The following ATP2C2 variants were observed in gnomAD, a reference collection of about 807,000 sequenced individuals.
The protein encoded by ATP2C2 is ATPase secretory pathway Ca2+ transporting 2, also known as calcium-transporting ATPase type 2C member 2.
In ATP2C2, 171 loss-of-function variants were observed where a neutral mutation model predicts 110.8. That is an observed-to-expected ratio of 1.54 (90% CI 1.36 to 1.75). The LOEUF is 1.75. Ranked by LOEUF, ATP2C2 falls within the 40% of genes most tolerant of loss-of-function variation. The pLI is 0.00. For synonymous variants in ATP2C2, 804 were observed against 508.4 expected, an observed-to-expected ratio of 1.58 and a Z score of -7.82; for missense variants, 1,963 against 1,235.0, an observed-to-expected ratio of 1.59 and a Z score of -8.84.
chr16:84,433,220 C>G (rs1206523426), intron 11 of ATP2C2, among the ~76,000 whole-genome samples: 1 of 151,792 alleles, frequency 6.6e-6, no homozygotes, highest in Non-Finnish European at 1.5e-5. Flanking sequence ...TGTACAAAAA[C>G]AAATGTTTTG....
chr16:84,419,164 C>T (rs1345260064), intron 7 of ATP2C2, among the ~76,000 whole-genome samples: 1 of 138,078 alleles, frequency 7.2e-6, no homozygotes, highest in Non-Finnish European at 1.5e-5. Flanking sequence ...GCCGAGATTG[C>T]ACCACTGCAC....
chr16:84,390,982 T>G (rs1193656497), intron 1 of ATP2C2, among the ~76,000 whole-genome samples: 2 of 151,332 alleles, frequency 1.3e-5, no homozygotes, highest in Non-Finnish European at 2.9e-5. Context: ...GGCGTGGTGG[T>G]GGGCACCTGT....
chr16:84,410,860 A>T, intron 6 of ATP2C2, 95 bp downstream of exon 6: 1 of 1,269,936 alleles, frequency 7.9e-7, no homozygotes, highest in Non-Finnish European at 1.1e-6. Context: ...TATCCTTGGT[A>T]GTGTCGGACA....
intron 11 of ATP2C2, among the ~76,000 whole-genome samples, chr16:84,434,928 C>T (rs1908606134): frequency 6.6e-6 from 1 of 152,192 alleles, no homozygotes. Context: ...CCGTCGTAAC[C>T]CTCCACAAAT....
rs571655333 is a variant in ATP2C2 at position 84,432,430 on chromosome 16, C to T, written c.986+6629C>T. Among the ~76,000 whole-genome samples the T allele has an allele frequency of 1.3e-4, 20 of 152,096 alleles. No individual in the cohort carries two copies. In the South Asian group the frequency reaches 1.9e-3, roughly 14 times the overall value. On this transcript the variant is annotated intron_variant, in intron 11 of 26. Transcript: ENST00000262429. ...AGGCATTTGGCCTAATGCTCTCCCCCGAACCCCCCGACAGGCCTGGGTGTG... is the reference window on the plus strand; with the variant it reads ...AGGCATTTGGCCTAATGCTCTCCCCTGAACCCCCCGACAGGCCTGGGTGTG...
In ATP2C2 at chr16:84,454,863, G is replaced by T. The variant is rs1044700565; in HGVS notation, c.2026G>T (p.Val676Leu). The change falls in exon 21 of 27, where the codon GTG (valine) becomes TTG (leucine). Residue 676 changes from valine to leucine, a missense_variant. Transcript: ENST00000262429. ...GATCGTGGCCATGACTGGGGATGGG[G>T]TGAACGACGCAGTGGCCCTGAAGTC... ...GAIVAMTGDG[V>L]NDAVALKSAD... The T allele has an allele frequency of 6.2e-7, 1 of 1,613,656 alleles. No individual in the cohort carries two copies. The highest frequency in any genetic ancestry group is 8.5e-7 in the Non-Finnish European group (1 of 1,179,750).
chr16:84,417,076 T>C (rs1172077026), intron 7 of ATP2C2, among the ~76,000 whole-genome samples: 1 of 152,222 alleles, frequency 6.6e-6, no homozygotes, highest in African/African-American at 2.4e-5. Flanking sequence ...GGGACCATCA[T>C]TCAAAGCCTT....
rs370503280 is a variant in ATP2C2 at position 84,463,497 on chromosome 16, A to G, written c.2723-117A>G. On this transcript the variant is annotated intron_variant, in intron 26 of 26. Coordinates refer to ENST00000262429, the MANE Select transcript of ATP2C2 (RefSeq NM_014861.4). Reference sequence around the variant, plus strand: ...ATCTCCCTGCCTTCAGGGGAATGAAAAGGGCTGGTCCTCCGCACCTCTCAC... The same window carrying G: ...ATCTCCCTGCCTTCAGGGGAATGAAGAGGGCTGGTCCTCCGCACCTCTCAC... The G allele has an allele frequency of 1.7e-4, 143 of 835,798 alleles. 1 individual carries two copies. The South Asian group carries it at 2.2e-3, about 13-fold the overall frequency. 51.8% of individuals were successfully genotyped at this position (835,798 alleles called of 1,614,324 possible).
intron 18 of ATP2C2, among the ~76,000 whole-genome samples, chr16:84,452,874 G>T (rs1910422680): frequency 6.6e-6 from 1 of 152,162 alleles, no homozygotes; most frequent in Non-Finnish European, 1.5e-5. Flanking sequence ...TCAGAGCCGT[G>T]TCAGGTTCCA....
intron 3 of ATP2C2, among the ~76,000 whole-genome samples, chr16:84,408,168 G>C (rs1905944346): frequency 6.6e-6 from 1 of 152,222 alleles, no homozygotes; most frequent in Non-Finnish European, 1.5e-5. Context: ...AGGCAGGGCT[G>C]AGGCCGGTGT....
intron 1 of ATP2C2, among the ~76,000 whole-genome samples, chr16:84,398,235 C>G (rs1211041987): frequency 1.3e-5 from 2 of 152,138 alleles, no homozygotes; most frequent in African/African-American, 4.8e-5. Context: ...AACCTCGTCT[C>G]TACTAAAAAT....
At chr16:84,390,449 G>A (rs578068906) in intron 1 of ATP2C2, among the ~76,000 whole-genome samples, 121 of 152,308 alleles carry the variant, frequency 7.9e-4, no homozygotes, top group African/African-American at 2.8e-3. Context: ...CTTCTAGGCC[G>A]TTTCCTTGGG....
At chr16:84,401,870 G>A (rs1905345472) in intron 2 of ATP2C2, among the ~76,000 whole-genome samples, 1 of 152,118 alleles carries the variant, frequency 6.6e-6, no homozygotes, top group Admixed American at 6.6e-5. Context: ...TGTTAAGAAT[G>A]TCATTGTTAT....
At chr16:84,407,719 A>G (rs7196238) in intron 3 of ATP2C2, among the ~76,000 whole-genome samples, 8,565 of 151,986 alleles carry the variant, frequency 0.056, 384 homozygotes, top group African/African-American at 0.13. Flanking sequence ...CAGTCCTCCC[A>G]TTTCTGCCTC....
chr16:84,408,214 A>G (rs73243739), intron 3 of ATP2C2, among the ~76,000 whole-genome samples, 191 bp from the exon 4 acceptor site: 7,848 of 152,216 alleles, frequency 0.052, 539 homozygotes, highest in African/African-American at 0.17. Context: ...GGGAGGGTCA[A>G]TTGGGTGGAG....
At chr16:84,463,501 G>C (rs1459210881) in intron 26 of ATP2C2, 113 bp from the exon 27 acceptor site, 2 of 861,744 alleles carry the variant, frequency 2.3e-6, no homozygotes, top group Non-Finnish European at 3.9e-6. Flanking sequence ...AATGAAAAGG[G>C]CTGGTCCTCC....
rs180878895 is a variant in ATP2C2, at chr16:84,389,003, C to T, written c.100-9496C>T. ...CCCAGGATGGTCTCAATCTCTTGAC[C>T]TCGTGATCCACCCAAAGTGCTGGGA... On this transcript the variant is annotated intron_variant, in intron 1 of 26. Transcript: ENST00000262429. Among the ~76,000 whole-genome samples, 11 of 152,226 alleles carry T rather than the reference C, an allele frequency of 7.2e-5. No homozygotes were observed. The East Asian group carries it at 1.7e-3, about 24-fold the overall frequency.
chr16:84,459,041 G>A, intron 21 of ATP2C2, 79 bp from the exon 22 acceptor site: 1 of 1,490,848 alleles, frequency 6.7e-7, no homozygotes, highest in Non-Finnish European at 9.3e-7. Context: ...AGTCACCACT[G>A]CCCCTTGCAG....
At chr16:84,422,739 G>A in intron 9 of ATP2C2, 42 bp downstream of exon 9, 2 of 1,565,954 alleles carry the variant, frequency 1.3e-6, no homozygotes, top group Non-Finnish European at 1.7e-6. Context: ...GTAAGCTGGA[G>A]TTTGAGATTA....
Sources: allele counts gnomAD v4.1 joint callset (sites outside exome capture counted in the v4.1 genomes callset), GRCh38; gene constraint gnomAD v4.1.1; transcripts MANE v1.5; gene names NCBI Gene and HGNC (gene_info 2026-07-23, HGNC 2026-07-21).